SGK1: variants seen among roughly 807,000 people sequenced by gnomAD.
SGK1 encodes serum/glucocorticoid regulated kinase 1.
In SGK1, 26 loss-of-function variants were observed where a neutral mutation model predicts 64.2. The observed-to-expected ratio is 0.40, with a 90% confidence interval of 0.30 to 0.56. The LOEUF is 0.56. Ranked by LOEUF, SGK1 falls within the 20% of genes least tolerant of loss-of-function variation. The probability of loss-of-function intolerance (pLI) is 0.38; values close to 1 mark genes in which losing one functional copy is unlikely to be tolerated. For missense variants in SGK1, 519 were observed against 645.6 expected (o/e 0.80, Z 2.12); for synonymous variants, 265 against 239.7 (o/e 1.11, Z -0.98).
chr6:134,292,961 G>A (rs909932164), intron 1 of SGK1, among the ~76,000 whole-genome samples: 5 of 152,100 alleles, frequency 3.3e-5, no homozygotes, highest in African/African-American at 4.8e-5. Flanking sequence ...CCATGGGCAC[G>A]GAAGGTGATT....
intron 1 of SGK1, among the ~76,000 whole-genome samples, chr6:134,278,881 AG>A (rs1777054244): frequency 6.6e-6 from 1 of 152,146 alleles, no homozygotes; most frequent in African/African-American, 2.4e-5. Flanking sequence ...AAAACCAAAG[AG>A]GAAAAGAAAA....
chr6:134,294,692 C>A (rs1000950486), intron 1 of SGK1, among the ~76,000 whole-genome samples: 1 of 152,066 alleles, frequency 6.6e-6, no homozygotes, highest in Admixed American at 6.6e-5. Flanking sequence ...GCACCACCCC[C>A]CCAACCAGCT....
intron 1 of SGK1, among the ~76,000 whole-genome samples, chr6:134,282,758 A>G (rs751847928): frequency 2.0e-5 from 3 of 151,802 alleles, no homozygotes; most frequent in Non-Finnish European, 4.4e-5. Flanking sequence ...CTGAGGAATA[A>G]TAAATTATGC....
At chr6:134,295,267 C>T (rs975278820) in intron 1 of SGK1, among the ~76,000 whole-genome samples, 1 of 151,938 alleles carries the variant, frequency 6.6e-6, no homozygotes, top group Non-Finnish European at 1.5e-5. Context: ...GAAGAAGAGA[C>T]GAGGGGGCAG....
intron 1 of SGK1, among the ~76,000 whole-genome samples, chr6:134,283,351 C>T (rs539626436): frequency 1.6e-4 from 25 of 152,004 alleles, no homozygotes; most frequent in African/African-American, 5.6e-4. Context: ...ATTAGCTGGG[C>T]GTGGTGGCAC....
intron 3 of SGK1, among the ~76,000 whole-genome samples, chr6:134,197,795 A>G (rs1226175751): frequency 6.6e-6 from 1 of 151,764 alleles, no homozygotes; most frequent in East Asian, 1.9e-4. Context: ...CACTGAGAGC[A>G]CTGCCTGGGC....
chr6:134,171,794 C>T (rs1775035288), intron 10 of SGK1, 62 bp from the exon 11 acceptor site: 1 of 1,089,300 alleles, frequency 9.2e-7, no homozygotes, highest in African/African-American at 1.6e-5. Context: ...CCCACGACCA[C>T]ACATTTAGTT....
At chr6:134,175,457 G>C in intron 3 of SGK1, 1 of 1,320,136 alleles carries the variant, frequency 7.6e-7, no homozygotes, top group Non-Finnish European at 9.7e-7. Flanking sequence ...CCCCGGCCCC[G>C]AGAACTCCGA....
intron 3 of SGK1, among the ~76,000 whole-genome samples, chr6:134,175,296 C>T (rs1344265490): frequency 6.6e-6 from 1 of 152,228 alleles, no homozygotes; most frequent in East Asian, 1.9e-4. Context: ...CAGATACCCT[C>T]TCCCCGGCCA....
At position 134,170,079 on chromosome 6, in the gene SGK1, AT is replaced by A. The variant is rs1322971385; in HGVS notation, c.*188del. ...AAGGAAGAATAAAAATGAAAACCTC[AT>A]GAGCTCACTGAGGAGAATGTGCTCT... On this transcript the variant is annotated 3_prime_UTR_variant, in exon 14 of 14. Transcript: ENST00000367858. 6.7e-6 allele frequency: 3 copies of A among 450,996 alleles called. No homozygotes were observed. The highest frequency in any genetic ancestry group is 7.1e-5 in the Admixed American group (2 of 28,306). The allele number at this position is 450,996 out of a possible 1,614,324, so 27.9% of individuals were successfully genotyped here. A position where few individuals can be genotyped will look rare whatever the true frequency, so the allele number is the denominator to read the frequency against.
At chr6:134,263,508 G>C (rs1456811191) in intron 1 of SGK1, among the ~76,000 whole-genome samples, 1 of 151,946 alleles carries the variant, frequency 6.6e-6, no homozygotes, top group African/African-American at 2.4e-5. Context: ...GGGATTACAG[G>C]CATGAGCCAC....
intron 1 of SGK1, among the ~76,000 whole-genome samples, chr6:134,291,106 A>G (rs981645306): frequency 2.0e-5 from 3 of 152,090 alleles, no homozygotes; most frequent in Non-Finnish European, 2.9e-5. Context: ...TCTACATCTT[A>G]ATAGGACTTG....
At chr6:134,247,304 A>G (rs1008517213) in intron 2 of SGK1, among the ~76,000 whole-genome samples, 1 of 152,160 alleles carries the variant, frequency 6.6e-6, no homozygotes, top group East Asian at 1.9e-4. Context: ...CTGTGTAGCA[A>G]CTGTGAAGCC....
chr6:134,224,059 C>T (rs1214790795), intron 2 of SGK1, among the ~76,000 whole-genome samples: 3 of 152,152 alleles, frequency 2.0e-5, no homozygotes, highest in Non-Finnish European at 2.9e-5. Flanking sequence ...TTTAAGATTA[C>T]ATTTGGCTTT....
In SGK1 at chr6:134,251,538, T is replaced by A. The variant is rs191904135; in HGVS notation, c.285+10395A>T. Among the ~76,000 whole-genome samples the A allele has an allele frequency of 1.6e-3, 251 of 152,172 alleles. 1 individual carries two copies. Among genetic ancestry groups the A allele is most frequent in the Admixed American group, 5.3e-3 (81 of 15,248 alleles). ...ATTTCCAGGAGAGGACAGGGAGTAG[T>A]TTTCCTAGAATATTTTATGTCCTAA... On this transcript the variant is annotated intron_variant, in intron 2 of 13. Coordinates refer to ENST00000367858, the MANE Select transcript of SGK1 (RefSeq NM_001143676.3).
chr6:134,172,344 T>TG (rs772039358), intron 9 of SGK1, 28 bp from the exon 10 acceptor site: 436 of 1,600,252 alleles, frequency 2.7e-4, no homozygotes, highest in Non-Finnish European at 3.6e-4. Context: ...GAAAAGTAGT[T>TG]GCACAAGTTA....
intron 3 of SGK1, among the ~76,000 whole-genome samples, chr6:134,198,724 C>CTCTTTTT (rs1459010325): frequency 4.5e-5 from 3 of 65,950 alleles, no homozygotes; most frequent in African/African-American, 1.5e-4. Flanking sequence ...TTCTCTTTTT[C>CTCTTTTT]TATTTTTTTT....
In SGK1 at chr6:134,174,983, C is replaced by A. The variant is rs1775177344; in HGVS notation, c.362-397G>T. On this transcript the variant is annotated intron_variant, in intron 3 of 13. Coordinates refer to ENST00000367858, the MANE Select transcript of SGK1 (RefSeq NM_001143676.3). Reference sequence around the variant, plus strand: ...CCCTCGCCCCGCCCCGGCCGCCTCGCGGTTTGCTGGCGGCTACGCTGCCTG... The same window carrying A: ...CCCTCGCCCCGCCCCGGCCGCCTCGAGGTTTGCTGGCGGCTACGCTGCCTG... 6.3e-6 allele frequency: 8 copies of A among 1,269,168 alleles called. No homozygotes were observed. In the South Asian group the frequency reaches 7.8e-5, roughly 12 times the overall value. 78.6% of individuals were successfully genotyped at this position (1,269,168 alleles called of 1,614,324 possible).
chr6:134,246,162 T>A (rs1776521550), intron 2 of SGK1, among the ~76,000 whole-genome samples: 1 of 152,042 alleles, frequency 6.6e-6, no homozygotes, highest in Admixed American at 6.6e-5. Context: ...TTTCTTTTTT[T>A]TTTGAGATGG....
Sources: gnomAD v4.1 joint callset for allele counts (sites outside exome capture counted in the v4.1 genomes callset) on GRCh38, gnomAD v4.1.1 for gene constraint, MANE v1.5 for transcripts, NCBI Gene and HGNC (gene_info 2026-07-23, HGNC 2026-07-21) for gene names.